Variants in TRMT1 observed in about 807,000 individuals in gnomAD.
TRMT1 encodes tRNA (guanine(26)-N(2))-dimethyltransferase.
A neutral mutation model predicts 75.4 loss-of-function variants in TRMT1; 63 were observed. The observed-to-expected ratio is 0.84, with a 90% CI of 0.68 to 1.03. The LOEUF is 1.03. Among genes scored for constraint, TRMT1 ranks in the 50% least tolerant of loss-of-function variants. TRMT1 has a pLI of 0.00. For synonymous variants in TRMT1, 382 were observed against 358.1 expected (o/e 1.07, Z -0.75); for missense variants, 870 against 905.3 (o/e 0.96, Z 0.50).
At chr19:13,109,339 T>C (rs750124743) in intron 12 of TRMT1, 42 bp downstream of exon 12, 2 of 1,606,434 alleles carry the variant, frequency 1.2e-6, no homozygotes, top group South Asian at 2.2e-5. Flanking sequence ...CAGGCCACCC[T>C]GTGGTCTGGG....
intron 7 of TRMT1, among the ~76,000 whole-genome samples, chr19:13,112,338 CAG>C (rs981800924): frequency 1.3e-5 from 2 of 152,064 alleles, no homozygotes; most frequent in African/African-American, 4.8e-5. Flanking sequence ...ACCCGAGGAC[CAG>C]AAAGGTGAAG....
chr19:13,105,442 CTTCT>C, intron 15 of TRMT1, 41 bp downstream of exon 15: 1 of 1,613,910 alleles, frequency 6.2e-7, no homozygotes, highest in Middle Eastern at 1.6e-4. Flanking sequence ...CCCTTTACCC[CTTCT>C]TTCCCTGGCT....
rs745615872 is a variant in TRMT1 at position 13,104,966 on chromosome 19, G to C, written c.1949C>G (p.Pro650Arg). 8 of 1,613,832 alleles carry C rather than the reference G, an allele frequency of 5.0e-6. No homozygotes were observed. Among genetic ancestry groups the C allele is most frequent in the Non-Finnish European group, 6.8e-6 (8 of 1,179,930 alleles). ...PETSNQTPPG[P>R]GAAAGPGID is the part of the protein sequence containing the mutation. ...TATGCCTGGCCCAGCGGCAGCCCCAGGTCCAGGGGGGGTCTGGTTGGAGGT... is the reference window on the plus strand; with the variant it reads ...TATGCCTGGCCCAGCGGCAGCCCCACGTCCAGGGGGGGTCTGGTTGGAGGT... Residue 650 changes from proline (P) to arginine (R), a missense_variant, in exon 17 of 17, where the codon CCT (proline) becomes CGT (arginine). By Grantham distance (103) the Pro-to-Arg change is moderately radical (BLOSUM62 -2). Transcript: ENST00000357720.
chr19:13,109,318 T>C, intron 12 of TRMT1, 63 bp downstream of exon 12: 9 of 1,590,408 alleles, frequency 5.7e-6, no homozygotes, highest in Admixed American at 1.7e-5. Flanking sequence ...TGAGAATCCC[T>C]GGACTTGCCC....
chr19:13,112,065 AC>A (rs1432538107), intron 7 of TRMT1, among the ~76,000 whole-genome samples: 2 of 148,264 alleles, frequency 1.3e-5, no homozygotes, highest in Non-Finnish European at 3.0e-5. Context: ...ATCTTGGCTC[AC>A]TGCAACCTCG....
chr19:13,116,324 A>G lies in TRMT1; in HGVS notation c.76T>C (p.Trp26Arg). ...RVLSRARFFE[W>R]QSPGLPNTAA... ...GTATTCGGCAGCCCTGGAGACTGCC[A>G]CTCGAAAAACCGGGCTCTAGAGAGC... The change falls in exon 2 of 17, where the codon TGG (tryptophan) becomes CGG (arginine). Residue 26 changes from tryptophan to arginine, a missense_variant. By Grantham distance (101) the Trp-to-Arg change is moderately radical (BLOSUM62 -3). Coordinates refer to ENST00000357720, the MANE Select transcript of TRMT1 (RefSeq NM_001136035.4). The G allele has an allele frequency of 6.2e-7, 1 of 1,613,808 alleles. No individual in the cohort carries two copies. Among genetic ancestry groups the G allele is most frequent in the Non-Finnish European group, 8.5e-7 (1 of 1,179,992 alleles).
At chr19:13,108,588 T>C (rs1391676454) in intron 12 of TRMT1, among the ~76,000 whole-genome samples, 7 of 149,990 alleles carry the variant, frequency 4.7e-5, no homozygotes, top group Non-Finnish European at 7.4e-5. Flanking sequence ...CCACCACACC[T>C]GGCCTTTTTC....
rs554080215 is a variant in TRMT1, at chr19:13,105,069, G to A, written c.1846C>T (p.Arg616Cys). Residue 616 changes from arginine (R) to cysteine (C), a missense_variant, in exon 17 of 17, where the codon CGC becomes TGC. Arg to Cys is a radical substitution (Grantham distance 180, BLOSUM62 -3). Coordinates refer to ENST00000357720, the MANE Select transcript of TRMT1 (RefSeq NM_001136035.4). ...TGGGAGTAGCAGCACTGGTCCCCGCGTTGACAGGTGCCCTGGTGGGAAGAT... is the reference window on the plus strand; with the variant it reads ...TGGGAGTAGCAGCACTGGTCCCCGCATTGACAGGTGCCCTGGTGGGAAGAT... Reference protein sequence around the residue: ...CKRFKEGTCQRGDQCCYSHSP... With the variant: ...CKRFKEGTCQCGDQCCYSHSP... The A allele has an allele frequency of 1.1e-5, 17 of 1,589,964 alleles. No homozygotes were observed. In the African/African-American group the frequency reaches 1.7e-4, roughly 16 times the overall value.
At chr19:13,115,598 G>A in intron 4 of TRMT1, 28 bp downstream of exon 4, 1 of 1,612,592 alleles carries the variant, frequency 6.2e-7, no homozygotes, top group Non-Finnish European at 8.5e-7. Context: ...AAATTCCAGG[G>A]CTGCCAGCTC....
At chr19:13,114,784 T>C (rs995867779) in intron 5 of TRMT1, among the ~76,000 whole-genome samples, 2 of 152,158 alleles carry the variant, frequency 1.3e-5, no homozygotes, top group Admixed American at 1.3e-4. Context: ...GAGGTTGCAA[T>C]GAGCTGAGAT....
chr19:13,110,317 G>T lies in TRMT1; in HGVS notation c.871-11C>A. ...GACGATTCTCAGGGCCTGGGGGTGG[G>T]GGGTGGGTGTCAGCCTCCCCTCCAC... On this transcript the variant is annotated splice_polypyrimidine_tract_variant and intron_variant, in intron 7 of 16. Coordinates refer to ENST00000357720, the MANE Select transcript of TRMT1 (RefSeq NM_001136035.4). The T allele has an allele frequency of 1.2e-6, 1 of 807,968 alleles. No individual in the cohort carries two copies. The highest frequency in any genetic ancestry group is 1.4e-5 in the South Asian group (1 of 69,690). 50.0% of individuals were successfully genotyped at this position (807,968 alleles called of 1,614,324 possible).
intron 7 of TRMT1, among the ~76,000 whole-genome samples, chr19:13,111,276 T>G (rs2019127557): frequency 6.6e-6 from 1 of 151,928 alleles, no homozygotes; most frequent in Admixed American, 6.6e-5. Flanking sequence ...CCTCAAGTGA[T>G]CCTCCCACCT....
In TRMT1 at chr19:13,116,422, C is replaced by T. The variant is rs1176908327; in HGVS notation, c.-23G>A. 1.3e-6 allele frequency: 2 copies of T among 1,581,254 alleles called. No individual in the cohort carries two copies. The highest frequency in any genetic ancestry group is 1.7e-5 in the Admixed American group (1 of 58,838). On this transcript the variant is annotated 5_prime_UTR_variant, in exon 2 of 17. Coordinates refer to ENST00000357720, the MANE Select transcript of TRMT1 (RefSeq NM_001136035.4). ...CATGAGACATCCGCTGGCGCCTCCGCCCGCCAAGCCTGGTTCGGGGGGCGG... is the reference window on the plus strand; with the variant it reads ...CATGAGACATCCGCTGGCGCCTCCGTCCGCCAAGCCTGGTTCGGGGGGCGG...
At chr19:13,108,793 A>G (rs1168703844) in intron 12 of TRMT1, among the ~76,000 whole-genome samples, 2 of 150,736 alleles carry the variant, frequency 1.3e-5, no homozygotes, top group Non-Finnish European at 2.9e-5. Context: ...TATTTTTAGT[A>G]GAGACAGGGT....
intron 7 of TRMT1, among the ~76,000 whole-genome samples, chr19:13,110,604 A>G (rs1255857334): frequency 1.3e-5 from 2 of 152,202 alleles, no homozygotes; most frequent in Non-Finnish European, 2.9e-5. Flanking sequence ...TGTGGCATGT[A>G]CTGAGGACCC....
At chr19:13,116,479 T>C in intron 1 of TRMT1, 48 bp from the exon 2 acceptor site, 2 of 1,524,794 alleles carry the variant, frequency 1.3e-6, no homozygotes, top group African/African-American at 2.8e-5. Flanking sequence ...GAGAGCCGCA[T>C]TCCGGGCCCG....
chr19:13,116,556 C>A, intron 1 of TRMT1, 97 bp downstream of exon 1: 1 of 1,052,760 alleles, frequency 9.5e-7, no homozygotes, highest in Non-Finnish European at 1.3e-6. Context: ...CTGATATCCC[C>A]TCGTTTTGGG....
chr19:13,116,592 GC>G (rs1357440505), intron 1 of TRMT1, 60 bp downstream of exon 1: 1 of 790,710 alleles, frequency 1.3e-6, no homozygotes, highest in Non-Finnish European at 1.9e-6. Context: ...TGGAGCCGAT[GC>G]CCTCGTGCAG....
intron 13 of TRMT1, 42 bp from the exon 14 acceptor site, chr19:13,107,692 G>C: frequency 6.3e-7 from 1 of 1,575,338 alleles, no homozygotes. Context: ...TAGGCCCAAG[G>C]GACCTCCAGG....
Sources: allele counts gnomAD v4.1 joint callset (sites outside exome capture counted in the v4.1 genomes callset), GRCh38; gene constraint gnomAD v4.1.1; transcripts MANE v1.5; gene names NCBI Gene and HGNC (gene_info 2026-07-23, HGNC 2026-07-21).